Variants in LSAMP observed in about 807,000 individuals in gnomAD.
LSAMP encodes limbic system associated membrane protein, also known as limbic system-associated membrane protein.
LSAMP carries 7 observed loss-of-function variants against 38.6 expected under a neutral mutation model. That is an observed-to-expected ratio of 0.18 (90% CI 0.10 to 0.34). LSAMP has a LOEUF of 0.34. LSAMP is among the 10% of genes least tolerant of loss of function. The pLI is 1.00. For missense variants in LSAMP, 313 were observed against 420.0 expected, an observed-to-expected ratio of 0.75 and a Z score of 2.23; for synonymous variants, 154 against 166.8, an observed-to-expected ratio of 0.92 and a Z score of 0.59.
intron 1 of LSAMP, among the ~76,000 whole-genome samples, chr3:116,104,835 C>T (rs1225062075): frequency 6.6e-6 from 1 of 152,168 alleles, no homozygotes; most frequent in African/African-American, 2.4e-5. Flanking sequence ...ACCTTACAGA[C>T]ATTCCTTCTC....
At chr3:116,155,554 T>G (rs976845894) in intron 1 of LSAMP, among the ~76,000 whole-genome samples, 13 of 152,032 alleles carry the variant, frequency 8.6e-5, no homozygotes, top group Non-Finnish European at 1.2e-4. Flanking sequence ...TTTACCTTCA[T>G]AATACCTAGC....
At chr3:115,916,497 T>C (rs1937254175) in intron 3 of LSAMP, among the ~76,000 whole-genome samples, 1 of 152,252 alleles carries the variant, frequency 6.6e-6, no homozygotes, top group African/African-American at 2.4e-5. Flanking sequence ...CTTATAATAC[T>C]GATATATAGG....
chr3:116,035,709 C>T (rs1437488287), intron 2 of LSAMP, among the ~76,000 whole-genome samples: 1 of 152,128 alleles, frequency 6.6e-6, no homozygotes, highest in Non-Finnish European at 1.5e-5. Context: ...TGGACCTCAC[C>T]ATTTAGTCCA....
At chr3:115,883,629 G>T (rs145098191) in intron 3 of LSAMP, among the ~76,000 whole-genome samples, 1 of 152,174 alleles carries the variant, frequency 6.6e-6, no homozygotes, top group Non-Finnish European at 1.5e-5. Context: ...TAACTGATTG[G>T]GTCCTCAAGC....
intron 1 of LSAMP, among the ~76,000 whole-genome samples, chr3:116,102,589 A>G (rs920245044): frequency 5.9e-5 from 9 of 152,234 alleles, no homozygotes; most frequent in African/African-American, 1.9e-4. Context: ...AGGCTAAGTA[A>G]GAAAGAATTA....
At chr3:116,413,511 A>T (rs2049007267) in intron 1 of LSAMP, among the ~76,000 whole-genome samples, 1 of 152,086 alleles carries the variant, frequency 6.6e-6, no homozygotes, top group Non-Finnish European at 1.5e-5. Flanking sequence ...CTTGCTTGCC[A>T]CAAGGGGTGG....
At chr3:116,139,066 T>TAA (rs1709316534) in intron 1 of LSAMP, among the ~76,000 whole-genome samples, 1 of 151,852 alleles carries the variant, frequency 6.6e-6, no homozygotes, top group East Asian at 1.9e-4. Flanking sequence ...TAAGTATATA[T>TAA]AATATACATT....
chr3:116,421,358 T>G (rs1002652254), intron 1 of LSAMP, among the ~76,000 whole-genome samples: 1 of 151,498 alleles, frequency 6.6e-6, no homozygotes, highest in East Asian at 1.9e-4. Flanking sequence ...TCACCTGGGG[T>G]CAGGAGTTCG....
At chr3:116,261,415 T>G (rs944918379) in intron 1 of LSAMP, among the ~76,000 whole-genome samples, 5 of 152,214 alleles carry the variant, frequency 3.3e-5, no homozygotes, top group African/African-American at 1.2e-4. Flanking sequence ...AGTGCTCTTA[T>G]GCATTTTTAT....
chr3:115,827,334 TG>T (rs1486245070), intron 6 of LSAMP, among the ~76,000 whole-genome samples: 9 of 105,810 alleles, frequency 8.5e-5, no homozygotes, highest in African/African-American at 2.4e-4. Context: ...TATTTTCTAC[TG>T]CTTTTTTTTT....
chr3:116,083,370 A>C (rs1459696767), intron 2 of LSAMP, among the ~76,000 whole-genome samples: 1 of 152,180 alleles, frequency 6.6e-6, no homozygotes, highest in African/African-American at 2.4e-5. Context: ...CCTTACAATA[A>C]ATTTAGGAGG....
At chr3:116,159,831 C>A (rs1006812563) in intron 1 of LSAMP, among the ~76,000 whole-genome samples, 4 of 152,052 alleles carry the variant, frequency 2.6e-5, no homozygotes, top group African/African-American at 9.7e-5. Context: ...AACCTAAATG[C>A]CCAATAATGG....
chr3:115,871,581 TAGTGTGTGTGTG>T (rs1936034885), intron 3 of LSAMP, among the ~76,000 whole-genome samples: 1 of 128,874 alleles, frequency 7.8e-6, no homozygotes, highest in African/African-American at 3.8e-5. Flanking sequence ...AACCAACGTG[TAGTGTGTGTGTG>T]TGTGTGTGTG....
At chr3:115,911,819 G>T (rs2107506116) in intron 3 of LSAMP, among the ~76,000 whole-genome samples, 1 of 152,264 alleles carries the variant, frequency 6.6e-6, no homozygotes, top group African/African-American at 2.4e-5. Context: ...GAATTATTCA[G>T]ATTCTTCACA....
At chr3:116,288,968 A>G (rs754473380) in intron 1 of LSAMP, among the ~76,000 whole-genome samples, 1 of 152,214 alleles carries the variant, frequency 6.6e-6, no homozygotes, top group Non-Finnish European at 1.5e-5. Flanking sequence ...GTGCTTTCCC[A>G]GTTTTAAATT....
At chr3:116,284,522 A>G (rs955847556) in intron 1 of LSAMP, among the ~76,000 whole-genome samples, 1 of 152,216 alleles carries the variant, frequency 6.6e-6, no homozygotes, top group African/African-American at 2.4e-5. Flanking sequence ...CAAGGCTACT[A>G]TATCATAGAA....
At chr3:116,240,189 C>G (rs2046514852) in intron 1 of LSAMP, among the ~76,000 whole-genome samples, 1 of 152,118 alleles carries the variant, frequency 6.6e-6, no homozygotes, top group South Asian at 2.1e-4. Context: ...TCCTTTGCAA[C>G]CTACATAATA....
At chr3:115,975,647 C>T (rs1011902441) in intron 3 of LSAMP, among the ~76,000 whole-genome samples, 4 of 152,298 alleles carry the variant, frequency 2.6e-5, no homozygotes, top group Non-Finnish European at 5.9e-5. Context: ...TCTGTGCTCT[C>T]CAAGTTATCC....
intron 2 of LSAMP, among the ~76,000 whole-genome samples, chr3:116,021,714 C>T (rs1940642500): frequency 1.3e-5 from 2 of 151,154 alleles, no homozygotes; most frequent in South Asian, 2.1e-4. Flanking sequence ...TAATATAAAA[C>T]CATGCAAATT....
Sources: gnomAD v4.1 joint callset for allele counts (sites outside exome capture counted in the v4.1 genomes callset) on GRCh38, gnomAD v4.1.1 for gene constraint, MANE v1.5 for transcripts, NCBI Gene and HGNC (gene_info 2026-07-23, HGNC 2026-07-21) for gene names.